Variants in SLC8A1 observed in about 807,000 individuals in gnomAD.
SLC8A1 encodes sodium/calcium exchanger 1.
Under a neutral mutation model 68.3 loss-of-function variants are expected in SLC8A1, and 18 were observed. The observed-to-expected ratio is 0.26, with a 90% CI of 0.18 to 0.39. The LOEUF (loss-of-function observed/expected upper bound fraction) is 0.39. Ranked by LOEUF, SLC8A1 falls within the 10% of genes least tolerant of loss-of-function variation. SLC8A1 has a pLI of 1.00. For missense variants in SLC8A1, 985 were observed against 1,156.7 expected (o/e 0.85, Z 2.15); for synonymous variants, 475 against 415.5 (o/e 1.14, Z -1.74).
intron 2 of SLC8A1, among the ~76,000 whole-genome samples, chr2:40,205,784 A>G (rs1283243885): frequency 6.6e-6 from 1 of 151,144 alleles, no homozygotes; most frequent in African/African-American, 2.4e-5. Flanking sequence ...CTGCGCTTGT[A>G]CATCTGAACT....
At chr2:40,507,645 A>C (rs1706454588) in intron 1 of SLC8A1, among the ~76,000 whole-genome samples, 1 of 151,964 alleles carries the variant, frequency 6.6e-6, no homozygotes, top group Non-Finnish European at 1.5e-5. Context: ...TTCAAATCCT[A>C]CTTCCTCTTT....
chr2:40,428,861 C>T, exon 2 of SLC8A1: 1 of 1,613,800 alleles, frequency 6.2e-7, no homozygotes, highest in Non-Finnish European at 8.5e-7. Flanking sequence ...ACTCTGATTT[C>T]CTTCTGGGTA....
intron 2 of SLC8A1, among the ~76,000 whole-genome samples, chr2:40,368,664 G>A (rs1003791166): frequency 6.6e-6 from 1 of 151,922 alleles, no homozygotes. Flanking sequence ...TGTCATGGGG[G>A]TTTGTTGTAC....
At chr2:40,396,748 TAAAAAAAAAAAAAAA>T (rs368483768) in intron 2 of SLC8A1, among the ~76,000 whole-genome samples, 8 of 87,086 alleles carry the variant, frequency 9.2e-5, no homozygotes, top group African/African-American at 3.1e-4. Flanking sequence ...CTCTAATAAC[TAAAAAAAAAAAAAAA>T]AAAAAAAAAA....
intron 1 of SLC8A1, among the ~76,000 whole-genome samples, chr2:40,445,030 T>A (rs1701184037): frequency 6.6e-6 from 1 of 152,208 alleles, no homozygotes; most frequent in Admixed American, 6.5e-5. Context: ...TCTCTCACCA[T>A]TTATATCTTC....
At chr2:40,219,977 ATTTTTT>A (rs1386668812) in intron 2 of SLC8A1, among the ~76,000 whole-genome samples, 7 of 149,506 alleles carry the variant, frequency 4.7e-5, no homozygotes, top group Admixed American at 4.0e-4. Flanking sequence ...AATAAATAAG[ATTTTTT>A]TCTTATCTGA....
intron 2 of SLC8A1, among the ~76,000 whole-genome samples, chr2:40,234,041 C>T (rs2060033684): frequency 6.6e-6 from 1 of 152,186 alleles, no homozygotes; most frequent in African/African-American, 2.4e-5. Context: ...GTGATGCCTC[C>T]AGCTTTGTTC....
rs78726820 is a variant in SLC8A1 at position 40,308,893 on chromosome 2, G to C, written c.1808+119580C>G. Among the ~76,000 whole-genome samples the C allele has an allele frequency of 9.5e-3, 1,451 of 152,282 alleles. 23 individuals are homozygous for C. The highest frequency in any genetic ancestry group is 0.033 in the African/African-American group (1,368 of 41,560). On this transcript the variant is annotated intron_variant, in intron 2 of 7. Transcript: ENST00000406785. ...TTGCTCTCAGCATTTAGAGAAGACAGAGCATAAATCTTCCTGGGGAGGAGT... is the reference window on the plus strand; with the variant it reads ...TTGCTCTCAGCATTTAGAGAAGACACAGCATAAATCTTCCTGGGGAGGAGT...
chr2:40,170,801 C>T (rs1289875514), intron 4 of SLC8A1, among the ~76,000 whole-genome samples: 1 of 152,162 alleles, frequency 6.6e-6, no homozygotes, highest in Non-Finnish European at 1.5e-5. Context: ...AAATAGTGTA[C>T]TAGTGATTGG....
At chr2:40,286,139 A>G (rs905018764) in intron 2 of SLC8A1, among the ~76,000 whole-genome samples, 1 of 152,186 alleles carries the variant, frequency 6.6e-6, no homozygotes. Flanking sequence ...ATGTCTGTCC[A>G]GTCAATGAAT....
At chr2:40,160,481 G>A (rs1035548856) in intron 6 of SLC8A1, among the ~76,000 whole-genome samples, 1 of 152,024 alleles carries the variant, frequency 6.6e-6, no homozygotes, top group African/African-American at 2.4e-5. Context: ...CCTAGTGATT[G>A]GCTATTCGTG....
At chr2:40,410,352 A>G (rs1297403623) in intron 2 of SLC8A1, among the ~76,000 whole-genome samples, 1 of 152,120 alleles carries the variant, frequency 6.6e-6, no homozygotes, top group Non-Finnish European at 1.5e-5. Flanking sequence ...TAGGGATCAC[A>G]TTGAAAATAA....
At chr2:40,199,801 C>T (rs1374547657) in intron 2 of SLC8A1, among the ~76,000 whole-genome samples, 1 of 151,560 alleles carries the variant, frequency 6.6e-6, no homozygotes, top group African/African-American at 2.4e-5. Flanking sequence ...ACATTAGGCT[C>T]TTGTTCTTAG....
chr2:40,376,940 G>T (rs1329974770), intron 2 of SLC8A1, among the ~76,000 whole-genome samples: 1 of 151,990 alleles, frequency 6.6e-6, no homozygotes, highest in Non-Finnish European at 1.5e-5. Context: ...TGACCCCCAT[G>T]AACCATGACC....
chr2:40,229,671 G>A (rs1486919014), intron 2 of SLC8A1, among the ~76,000 whole-genome samples: 1 of 151,548 alleles, frequency 6.6e-6, no homozygotes, highest in East Asian at 1.9e-4. Flanking sequence ...TCCTGGAAAG[G>A]TTCATTATGA....
At chr2:40,279,776 G>GT (rs1298543782) in intron 2 of SLC8A1, among the ~76,000 whole-genome samples, 2 of 152,016 alleles carry the variant, frequency 1.3e-5, no homozygotes, top group East Asian at 1.9e-4. Context: ...GGTACATTCT[G>GT]TTTTTTTGAG....
At chr2:40,474,661 A>C (rs1361565086) in intron 1 of SLC8A1, among the ~76,000 whole-genome samples, 1 of 152,220 alleles carries the variant, frequency 6.6e-6, no homozygotes, top group Non-Finnish European at 1.5e-5. Context: ...CTTAAGTATG[A>C]AGTTACTTAA....
At chr2:40,316,670 C>T (rs888225150) in intron 2 of SLC8A1, among the ~76,000 whole-genome samples, 3 of 151,964 alleles carry the variant, frequency 2.0e-5, no homozygotes, top group African/African-American at 7.2e-5. Flanking sequence ...AACCTCATCA[C>T]TCCTGCTTTT....
intron 3 of SLC8A1, 74 bp from the exon 5 acceptor site, chr2:40,174,916 G>T: frequency 7.0e-7 from 1 of 1,427,280 alleles, no homozygotes; most frequent in Non-Finnish European, 9.8e-7. Context: ...ACATCAGACT[G>T]CCTGACAACC....
Sources: gnomAD v4.1 joint callset for allele counts (sites outside exome capture counted in the v4.1 genomes callset) on GRCh38, gnomAD v4.1.1 for gene constraint, MANE v1.5 for transcripts, NCBI Gene and HGNC (gene_info 2026-07-23, HGNC 2026-07-21) for gene names.